The following ARGLU1 variants were observed in gnomAD, a reference collection of about 807,000 sequenced individuals.
ARGLU1 encodes arginine and glutamate rich 1, also known as arginine and glutamate-rich protein 1.
ARGLU1 carries 9 observed loss-of-function variants against 37.6 expected under a neutral mutation model. The observed-to-expected ratio is 0.24, with a 90% CI of 0.14 to 0.42. ARGLU1 has a LOEUF of 0.42. Ranked by LOEUF, ARGLU1 falls within the 10% of genes least tolerant of loss-of-function variation. ARGLU1 has a pLI of 1.00. For missense variants in ARGLU1, 211 were observed against 359.2 expected, an observed-to-expected ratio of 0.59 and a Z score of 3.34; for synonymous variants, 166 against 138.5, an observed-to-expected ratio of 1.20 and a Z score of -1.39.
At position 106,567,530 on chromosome 13, in the gene ARGLU1, C is replaced by G; in HGVS notation, c.347+43G>C. ...CGGCCCCACGCCCTCGCCCCGCGCC[C>G]TGCTCTCCGCACGCCCCGGTCCCTC... is the stretch of plus-strand genomic sequence containing the variant. On this transcript the variant is annotated intron_variant, in intron 1 of 3. Transcript: ENST00000400198. This position sits in a 1 kb window ranked among gnomAD's most constrained non-coding sequence, Gnocchi z 4.3. The G allele has an allele frequency of 7.0e-7, 1 of 1,425,104 alleles. No homozygotes were observed. Among genetic ancestry groups the G allele is most frequent in the Non-Finnish European group, 9.9e-7 (1 of 1,011,134 alleles). 88.3% of individuals were successfully genotyped at this position (1,425,104 alleles called of 1,614,324 possible).
At chr13:106,546,667 G>A (rs1594187701) in intron 3 of ARGLU1, among the ~76,000 whole-genome samples, 4 of 152,172 alleles carry the variant, frequency 2.6e-5, no homozygotes, top group Admixed American at 2.6e-4. Context: ...GGATGTGTGT[G>A]TGTGCCTAAG....
In ARGLU1 at chr13:106,567,427, C is replaced by A; in HGVS notation, c.347+146G>T. On this transcript the variant is annotated intron_variant, in intron 1 of 3. Transcript: ENST00000400198. The surrounding 1 kb of genome is among the most constrained non-coding windows in gnomAD (Gnocchi z 4.3). ...GCCAAGCCTGCCCGCCCCGCCGCCG[C>A]CTCTCCGACCCGTTCCCGCGCCCGG... is the stretch of plus-strand genomic sequence containing the variant. 1 of 534,330 alleles carries A rather than the reference C, an allele frequency of 1.9e-6. No homozygotes were observed. The highest frequency in any genetic ancestry group is 3.1e-6 in the Non-Finnish European group (1 of 319,722). The allele number at this position is 534,330 out of a possible 1,614,324, so 33.1% of individuals were successfully genotyped here.
intron 1 of ARGLU1, among the ~76,000 whole-genome samples, chr13:106,564,736 T>G (rs1880913040): frequency 6.6e-6 from 1 of 152,202 alleles, no homozygotes; most frequent in African/African-American, 2.4e-5. Flanking sequence ...CCCTCTCAGC[T>G]AGGCTTCAGT....
chr13:106,554,123 T>C (rs150769682), intron 3 of ARGLU1, among the ~76,000 whole-genome samples: 1 of 152,220 alleles, frequency 6.6e-6, no homozygotes, highest in African/African-American at 2.4e-5. Flanking sequence ...ACTATGTCAT[T>C]ATCTTACATT....
intron 1 of ARGLU1, among the ~76,000 whole-genome samples, chr13:106,566,341 T>C (rs1880963433): frequency 6.6e-6 from 1 of 152,144 alleles, no homozygotes; most frequent in Non-Finnish European, 1.5e-5. Context: ...TGCTGGAAAA[T>C]CTACCTAACA....
chr13:106,565,285 A>T (rs1344095496), intron 1 of ARGLU1, among the ~76,000 whole-genome samples: 1 of 152,228 alleles, frequency 6.6e-6, no homozygotes, highest in Non-Finnish European at 1.5e-5. Context: ...TCACCTGATC[A>T]TTCCACTTTT....
rs1880304234 is a variant in ARGLU1 at position 106,543,160 on chromosome 13, G to C, written c.*836C>G. 1 of 152,280 alleles carries C rather than the reference G, an allele frequency of 6.6e-6. No homozygotes were observed. The highest frequency in any genetic ancestry group is 1.5e-5 in the Non-Finnish European group (1 of 67,920). 9.4% of individuals were successfully genotyped at this position (152,280 alleles called of 1,614,324 possible). On this transcript the variant is annotated 3_prime_UTR_variant, in exon 4 of 4. Coordinates refer to ENST00000400198, the MANE Select transcript of ARGLU1 (RefSeq NM_018011.4). ...CATAAAGTTGATATTTGTAAAAATAGCCATTAAATACTAATTCACAAGTAT... is the reference window on the plus strand; with the variant it reads ...CATAAAGTTGATATTTGTAAAAATACCCATTAAATACTAATTCACAAGTAT...
At chr13:106,550,386 A>G (rs1359041792) in intron 3 of ARGLU1, among the ~76,000 whole-genome samples, 1 of 152,214 alleles carries the variant, frequency 6.6e-6, no homozygotes, top group Non-Finnish European at 1.5e-5. Flanking sequence ...TCCCAAATAC[A>G]TTAACATAAG....
intron 3 of ARGLU1, among the ~76,000 whole-genome samples, chr13:106,553,122 A>G (rs1325782518): frequency 6.6e-6 from 1 of 152,348 alleles, no homozygotes; most frequent in East Asian, 1.9e-4. Context: ...AGTGATATAC[A>G]TTACTTGTAG....
At chr13:106,562,782 G>C (rs1880845902) in intron 1 of ARGLU1, among the ~76,000 whole-genome samples, 1 of 150,370 alleles carries the variant, frequency 6.7e-6, no homozygotes, top group Admixed American at 6.6e-5. Context: ...ATGAGGTCAG[G>C]AGATCGAGAC....
intron 3 of ARGLU1, among the ~76,000 whole-genome samples, chr13:106,554,659 G>T (rs569156817): frequency 1.3e-5 from 2 of 152,116 alleles, no homozygotes; most frequent in East Asian, 3.9e-4. Flanking sequence ...GGACGGTGCG[G>T]GTGGATCACA....
In ARGLU1 at chr13:106,543,914, C is replaced by G; in HGVS notation, c.*82G>C. On this transcript the variant is annotated 3_prime_UTR_variant, in exon 4 of 4. Transcript: ENST00000400198. ...ATTTTACAAATTAAAAAAACAAAAA[C>G]AAAAACAAAAAACCACTTCAACATG... The G allele has an allele frequency of 7.5e-7, 1 of 1,327,312 alleles. No individual in the cohort carries two copies. Among genetic ancestry groups the G allele is most frequent in the East Asian group, 3.1e-5 (1 of 31,828 alleles). 82.2% of individuals were successfully genotyped at this position (1,327,312 alleles called of 1,614,324 possible).
intron 1 of ARGLU1, 104 bp from the exon 2 acceptor site, chr13:106,559,761 T>A: frequency 1.6e-6 from 2 of 1,249,226 alleles, no homozygotes; most frequent in Non-Finnish European, 2.2e-6. Flanking sequence ...CTGATATTAT[T>A]CAGTGATTTT....
chr13:106,547,305 C>T (rs1277075146), intron 3 of ARGLU1, among the ~76,000 whole-genome samples: 1 of 152,182 alleles, frequency 6.6e-6, no homozygotes, highest in Non-Finnish European at 1.5e-5. Flanking sequence ...AAAATTACAT[C>T]TTCGTAATAC....
At position 106,557,092 on chromosome 13, in the gene ARGLU1, G is replaced by C. The variant is rs1880679586; in HGVS notation, c.613C>G (p.Leu205Val). 6.2e-7 allele frequency: 1 copy of C among 1,613,914 alleles called. No individual in the cohort carries two copies. The change falls in exon 3 of 4, where the codon CTG (leucine) becomes GTG (valine). Residue 205 changes from leucine (L) to valine (V), a missense_variant. Physicochemically the swap from Leu to Val is conservative, Grantham distance 32 (BLOSUM62 1). Around this residue, in one of 3 missense-constraint regions of ARGLU1, gnomAD observed 80 missense variants for 158.4 expected, o/e 0.51. Coordinates refer to ENST00000400198, the MANE Select transcript of ARGLU1 (RefSeq NM_018011.4). The surrounding 1 kb of genome is among the most constrained non-coding windows in gnomAD (Gnocchi z 5.0). Reference protein sequence around the residue: ...RAKREELERILEENNRKIAEA... With the variant: ...RAKREELERIVEENNRKIAEA... ...GCAATTTTTCGGTTATTCTCTTCCA[G>C]TATTCGCTCTAGCTCCTCACGTTTT...
intron 3 of ARGLU1, among the ~76,000 whole-genome samples, chr13:106,554,535 TACAC>T (rs1880613363): frequency 6.6e-6 from 1 of 152,180 alleles, no homozygotes; most frequent in Non-Finnish European, 1.5e-5. Flanking sequence ...TGTCTCCTCC[TACAC>T]AAAGAATACC....
chr13:106,552,466 T>A (rs929518381), intron 3 of ARGLU1, among the ~76,000 whole-genome samples: 1 of 152,226 alleles, frequency 6.6e-6, no homozygotes, highest in Admixed American at 6.5e-5. Flanking sequence ...AGCCAGGTTG[T>A]ACGGTTTGTA....
chr13:106,566,068 C>A (rs1203658522), intron 1 of ARGLU1, among the ~76,000 whole-genome samples: 4 of 152,160 alleles, frequency 2.6e-5, no homozygotes, highest in African/African-American at 7.2e-5. Flanking sequence ...CTGTTGATAG[C>A]TATTTGAGAT....
At chr13:106,556,964 A>G (rs969429253) in intron 3 of ARGLU1, 84 bp downstream of exon 3, 82 of 1,198,028 alleles carry the variant, frequency 6.8e-5, no homozygotes, top group Non-Finnish European at 1.0e-4. Flanking sequence ...GTCAAATTAT[A>G]GGGCACAAAA....
Sources: allele counts gnomAD v4.1 joint callset (sites outside exome capture counted in the v4.1 genomes callset), GRCh38; gene constraint gnomAD v4.1.1; regional missense constraint gnomAD v4.1.1; non-coding constraint Gnocchi (gnomAD v3.1); transcripts MANE v1.5; gene names NCBI Gene and HGNC (gene_info 2026-07-23, HGNC 2026-07-21).